Variants in TOM1L1 observed in about 807,000 individuals in gnomAD.
TOM1L1 encodes the protein TOM1-like protein 1.
Under a neutral mutation model 63.4 loss-of-function variants are expected in TOM1L1, and 64 were observed. The ratio of observed to expected loss-of-function variants is 1.01; its 90% CI spans 0.83 to 1.24. The LOEUF (loss-of-function observed/expected upper bound fraction) is 1.24, where lower values mean the gene tolerates loss of function less well. Ranked by LOEUF, TOM1L1 falls within the 50% of genes most tolerant of loss-of-function variation. The probability of loss-of-function intolerance (pLI) is 0.00; values close to 1 mark genes in which losing one functional copy is unlikely to be tolerated. For missense variants in TOM1L1, 536 were observed against 567.0 expected (o/e 0.95, Z 0.55); for synonymous variants, 166 against 194.4 (o/e 0.85, Z 1.22).
intron 6 of TOM1L1, 135 bp downstream of exon 6, chr17:54,914,878 A>G: frequency 1.4e-6 from 1 of 732,308 alleles, no homozygotes. Context: ...ACTGAGGCTT[A>G]GTAATACTAT....
intron 2 of TOM1L1, among the ~76,000 whole-genome samples, chr17:54,905,267 A>C (rs2048391563): frequency 6.6e-6 from 1 of 152,192 alleles, no homozygotes; most frequent in Non-Finnish European, 1.5e-5. Context: ...AAAATATTTT[A>C]TTTGATTCTC....
Position 54,936,680 on chromosome 17 carries a change from C to A in TOM1L1, c.886C>A (p.Gln296Lys). ...TAGAAACCAACAAAGGATTTTGGAG[C>A]AAAATAAGAACCAGAAGGAAGCCAC... ...FTRNQQRILEQNKNQKEATNT... is the reference protein window; with the variant it reads ...FTRNQQRILEKNKNQKEATNT... Residue 296 changes from glutamine to lysine, a missense_variant, in exon 9 of 16, where the codon CAA becomes AAA. Coordinates refer to ENST00000575882, the MANE Select transcript of TOM1L1 (RefSeq NM_005486.3). 6.2e-7 allele frequency: 1 copy of A among 1,605,596 alleles called. No homozygotes were observed. The highest frequency in any genetic ancestry group is 2.2e-5 in the East Asian group (1 of 44,516).
chr17:54,923,521 T>C (rs7224639), intron 7 of TOM1L1, among the ~76,000 whole-genome samples: 151,293 of 151,526 alleles, frequency 1, 75,536 homozygotes, highest in Middle Eastern at 1. Context: ...TGTATTATAG[T>C]TTTTTATTTT....
chr17:54,945,360 G>A (rs1048774887), intron 11 of TOM1L1, among the ~76,000 whole-genome samples: 1 of 152,068 alleles, frequency 6.6e-6, no homozygotes, highest in African/African-American at 2.4e-5. Context: ...AGCATTTGGG[G>A]GGCCACCATT....
chr17:54,905,450 A>G (rs752300734), intron 2 of TOM1L1, 39 bp from the exon 3 acceptor site: 3 of 1,356,876 alleles, frequency 2.2e-6, no homozygotes, highest in Non-Finnish European at 3.1e-6. Flanking sequence ...GTTTTCAGCA[A>G]TGCCTAAATT....
At chr17:54,952,405 G>A (rs1247153590) in intron 14 of TOM1L1, 1 of 152,026 alleles carries the variant, frequency 6.6e-6, no homozygotes, top group Non-Finnish European at 1.5e-5. Flanking sequence ...AAATTAGGCA[G>A]GTGTGGTGGT....
chr17:54,904,665 G>A (rs1482447365), intron 2 of TOM1L1, among the ~76,000 whole-genome samples: 2 of 152,020 alleles, frequency 1.3e-5, no homozygotes, highest in Admixed American at 6.5e-5. Flanking sequence ...TTAAACTTTC[G>A]AGAATCGAAG....
At chr17:54,935,686 C>T (rs1179075070) in intron 8 of TOM1L1, among the ~76,000 whole-genome samples, 2 of 152,166 alleles carry the variant, frequency 1.3e-5, no homozygotes, top group African/African-American at 4.8e-5. Context: ...AAGGTACTAA[C>T]ACTGACACTT....
chr17:54,914,434 T>C (rs1281137113), intron 5 of TOM1L1, among the ~76,000 whole-genome samples: 1 of 152,188 alleles, frequency 6.6e-6, no homozygotes, highest in African/African-American at 2.4e-5. Flanking sequence ...CCACCTTTTG[T>C]TGAATACCTG....
At chr17:54,934,225 T>C (rs955009635) in intron 8 of TOM1L1, among the ~76,000 whole-genome samples, 2 of 152,238 alleles carry the variant, frequency 1.3e-5, no homozygotes, top group African/African-American at 2.4e-5. Context: ...AGGAGTTTTC[T>C]CTTAGGCAAA....
chr17:54,938,838 C>CTTTTTTTTTTT, intron 10 of TOM1L1, 86 bp from the exon 11 acceptor site: 1 of 574,824 alleles, frequency 1.7e-6, no homozygotes, highest in Non-Finnish European at 2.8e-6. Context: ...TTTCTTTTTT[C>CTTTTTTTTTTT]TTTTTTTTTG....
At chr17:54,936,425 G>T in intron 8 of TOM1L1, 1 of 412,230 alleles carries the variant, frequency 2.4e-6, no homozygotes, top group Non-Finnish European at 4.3e-6. Flanking sequence ...ATTTCTGGGT[G>T]ATGAGTTTTT....
At chr17:54,912,644 T>C (rs756404281) in intron 3 of TOM1L1, 22 bp from the exon 4 acceptor site, 1 of 1,504,480 alleles carries the variant, frequency 6.6e-7, no homozygotes, top group Non-Finnish European at 8.8e-7. Context: ...AAATATAATG[T>C]TTAATTTTTT....
intron 7 of TOM1L1, among the ~76,000 whole-genome samples, chr17:54,924,478 C>G (rs2048736515): frequency 1.3e-5 from 2 of 152,018 alleles, no homozygotes; most frequent in South Asian, 4.2e-4. Flanking sequence ...TGGGGTTTCA[C>G]TATGTTGTCC....
At position 54,912,803 on chromosome 17, in the gene TOM1L1, G is replaced by C; in HGVS notation, c.360G>C (p.Leu120Phe). The C allele has an allele frequency of 1.9e-6, 3 of 1,603,582 alleles. No homozygotes were observed. The highest frequency in any genetic ancestry group is 2.5e-6 in the Non-Finnish European group (3 of 1,177,046). Reference protein sequence around the residue: ...NLPLDIQNRILNFIKTWSQGF... With the variant: ...NLPLDIQNRIFNFIKTWSQGF... The stretch of plus-strand genomic sequence containing the variant: ...CATTAGACATTCAGAATAGAATCTT[G>C]AATTTCATTAAGGTAAGTCTGTTGT... The change falls in exon 4 of 16, where the codon TTG (leucine) becomes TTC (phenylalanine). Residue 120 changes from leucine to phenylalanine, a missense_variant. Transcript: ENST00000575882.
chr17:54,923,564 G>A (rs1342950565), intron 7 of TOM1L1, among the ~76,000 whole-genome samples: 1 of 151,108 alleles, frequency 6.6e-6, no homozygotes. Flanking sequence ...TTATTTTTTT[G>A]AGATGGAGTC....
At chr17:54,955,408 C>G (rs1010117772) in intron 14 of TOM1L1, among the ~76,000 whole-genome samples, 10 of 152,250 alleles carry the variant, frequency 6.6e-5, no homozygotes, top group African/African-American at 2.2e-4. Context: ...CATTCTGGTT[C>G]CAGGGATCAT....
intron 12 of TOM1L1, among the ~76,000 whole-genome samples, chr17:54,949,283 C>T (rs1369845595): frequency 6.8e-6 from 1 of 147,618 alleles, no homozygotes; most frequent in Admixed American, 6.9e-5. Context: ...GTAATCCTCC[C>T]ACCTATCCTC....
In TOM1L1 at chr17:54,912,744, T is replaced by G; in HGVS notation, c.301T>G (p.Leu101Val). ...GAAGAAGGAATTTGTTAAAGAGAAT[T>G]TAGTTAAGCTACTGAATCCCAGATA... is the stretch of plus-strand genomic sequence containing the variant. Reference protein sequence around the residue: ...IVKKEFVKENLVKLLNPRYNL... With the variant: ...IVKKEFVKENVVKLLNPRYNL... Residue 101 changes from leucine to valine, a missense_variant, in exon 4 of 16, where the codon TTA (leucine) becomes GTA (valine). By Grantham distance (32) the Leu-to-Val change is conservative. Transcript: ENST00000575882. 6.2e-7 allele frequency: 1 copy of G among 1,611,992 alleles called. No individual in the cohort carries two copies. The highest frequency in any genetic ancestry group is 1.1e-5 in the South Asian group (1 of 90,534).
Sources: gnomAD v4.1 joint callset for allele counts (sites outside exome capture counted in the v4.1 genomes callset) on GRCh38, gnomAD v4.1.1 for gene constraint, MANE v1.5 for transcripts, NCBI Gene and HGNC (gene_info 2026-07-23, HGNC 2026-07-21) for gene names.